Variants in ARHGAP15 observed in about 807,000 individuals in gnomAD.
ARHGAP15 encodes Rho GTPase activating protein 15.
ARHGAP15 carries 51 observed loss-of-function variants against 63.7 expected under a neutral mutation model. The ratio of observed to expected loss-of-function variants is 0.80; its 90% CI spans 0.64 to 1.01. The LOEUF (loss-of-function observed/expected upper bound fraction) is 1.01. ARHGAP15 is among the 50% of genes least tolerant of loss of function. The pLI is 0.00. For missense variants in ARHGAP15, 560 were observed against 564.6 expected (o/e 0.99, Z 0.08); for synonymous variants, 191 against 193.8 (o/e 0.99, Z 0.12).
intron 12 of ARHGAP15, among the ~76,000 whole-genome samples, chr2:143,660,722 C>T (rs1481845537): frequency 6.6e-6 from 1 of 152,122 alleles, no homozygotes; most frequent in Non-Finnish European, 1.5e-5. Context: ...TTGGGCTTAC[C>T]ATACGTTTCC....
intron 9 of ARHGAP15, among the ~76,000 whole-genome samples, chr2:143,509,383 T>G (rs1024201465): frequency 6.6e-6 from 1 of 151,374 alleles, no homozygotes; most frequent in African/African-American, 2.4e-5. Context: ...TTACTTCCAG[T>G]GCATGTCGTA....
chr2:143,153,846 C>T (rs4662196), intron 1 of ARHGAP15, among the ~76,000 whole-genome samples: 801 of 57,012 alleles, frequency 0.014, 18 homozygotes, highest in South Asian at 0.054. Flanking sequence ...CTTCTTCTTC[C>T]TCCTCCTCCT....
rs537087597 is a variant in ARHGAP15 at position 143,269,857 on chromosome 2, C to T, written c.474+19257C>T. ...CTATTAATTGATAAGTGTACACATC[C>T]CATTACATGCAAGTATCAGTACCTT... On this transcript the variant is annotated intron_variant, in intron 6 of 13. Coordinates refer to ENST00000295095, the MANE Select transcript of ARHGAP15 (RefSeq NM_018460.4). Among the ~76,000 whole-genome samples the T allele has an allele frequency of 2.0e-5, 3 of 152,138 alleles. No homozygotes were observed. In the East Asian group the frequency reaches 5.8e-4, roughly 29 times the overall value.
At chr2:143,591,250 A>G (rs757420573) in intron 11 of ARHGAP15, among the ~76,000 whole-genome samples, 3 of 152,164 alleles carry the variant, frequency 2.0e-5, no homozygotes, top group Non-Finnish European at 4.4e-5. Flanking sequence ...CCACTTCCCC[A>G]ATCGATGTGA....
chr2:143,623,028 C>T (rs1394497595), intron 11 of ARHGAP15, among the ~76,000 whole-genome samples: 1 of 152,204 alleles, frequency 6.6e-6, no homozygotes, highest in African/African-American at 2.4e-5. Flanking sequence ...TACCTCGGCG[C>T]TTGCCAGTAT....
chr2:143,758,237 C>G (rs552413241), intron 13 of ARHGAP15, among the ~76,000 whole-genome samples: 2 of 151,148 alleles, frequency 1.3e-5, no homozygotes, highest in South Asian at 4.2e-4. Flanking sequence ...TTTATTTCAT[C>G]TTTTCTAAAA....
intron 9 of ARHGAP15, among the ~76,000 whole-genome samples, chr2:143,503,233 A>G (rs1406462390): frequency 4.6e-5 from 7 of 152,254 alleles, no homozygotes; most frequent in African/African-American, 1.2e-4. Context: ...GAGTATGTAA[A>G]GCACACTTGA....
chr2:143,641,175 G>A (rs1680580330), intron 12 of ARHGAP15: 1 of 152,092 alleles, frequency 6.6e-6, no homozygotes, highest in Non-Finnish European at 1.5e-5. Flanking sequence ...ACCAGATTGG[G>A]GATTTCCCAA....
chr2:143,512,614 C>T (rs1296082446), intron 9 of ARHGAP15, among the ~76,000 whole-genome samples: 2 of 152,214 alleles, frequency 1.3e-5, no homozygotes, highest in Non-Finnish European at 2.9e-5. Flanking sequence ...AACGTTTGTC[C>T]AATGCTACAT....
At chr2:143,613,168 ATCT>A (rs1698323357) in intron 11 of ARHGAP15, among the ~76,000 whole-genome samples, 1 of 151,890 alleles carries the variant, frequency 6.6e-6, no homozygotes, top group East Asian at 1.9e-4. Context: ...GTAAGTAAAA[ATCT>A]TCTAAACAAT....
intron 11 of ARHGAP15, among the ~76,000 whole-genome samples, chr2:143,591,473 G>A (rs139793776): frequency 6.6e-6 from 1 of 152,022 alleles, no homozygotes; most frequent in South Asian, 2.1e-4. Context: ...TCAGGGCTCT[G>A]CTTCCTCAAC....
intron 13 of ARHGAP15, among the ~76,000 whole-genome samples, chr2:143,745,945 G>A (rs987201215): frequency 5.9e-5 from 9 of 152,142 alleles, no homozygotes; most frequent in African/African-American, 2.2e-4. Context: ...TGTTCAAGTT[G>A]ATCTTTCGTT....
At chr2:143,310,290 T>TA (rs1683381591) in intron 6 of ARHGAP15, among the ~76,000 whole-genome samples, 4 of 152,078 alleles carry the variant, frequency 2.6e-5, no homozygotes, top group Admixed American at 2.6e-4. Context: ...AGCTGACATT[T>TA]TTGCAAGAAA....
intron 4 of ARHGAP15, among the ~76,000 whole-genome samples, chr2:143,217,855 G>A (rs1490802779): frequency 1.3e-5 from 2 of 152,164 alleles, no homozygotes; most frequent in African/African-American, 4.8e-5. Flanking sequence ...AGCTGAGTAG[G>A]AGAATAGAGG....
At position 143,148,989 on chromosome 2, in the gene ARHGAP15, A is replaced by T. The variant is rs577505112; in HGVS notation, c.-14-6488A>T. ...GACCTGTCAGGAAAGTGTGACGCGA[A>T]GGTTGTGGCACACATTACTGGAGCT... On this transcript the variant is annotated intron_variant, in intron 1 of 13. Coordinates refer to ENST00000295095, the MANE Select transcript of ARHGAP15 (RefSeq NM_018460.4). Among the ~76,000 whole-genome samples, 15 of 152,182 alleles carry T rather than the reference A, an allele frequency of 9.9e-5. No homozygotes were observed. The South Asian group carries it at 2.9e-3, about 29-fold the overall frequency.
intron 13 of ARHGAP15, among the ~76,000 whole-genome samples, chr2:143,737,659 A>G (rs1685794837): frequency 6.6e-6 from 1 of 152,244 alleles, no homozygotes; most frequent in African/African-American, 2.4e-5. Flanking sequence ...GGCCAAATGC[A>G]TGAACATAAG....
intron 13 of ARHGAP15, among the ~76,000 whole-genome samples, chr2:143,751,498 T>TC (rs1207816521): frequency 1.3e-5 from 2 of 151,956 alleles, no homozygotes; most frequent in Admixed American, 6.6e-5. Context: ...GAGAAGCAGC[T>TC]CCCCCAGGAC....
intron 12 of ARHGAP15, among the ~76,000 whole-genome samples, chr2:143,681,819 A>G (rs533603694): frequency 1.2e-4 from 18 of 152,310 alleles, no homozygotes; most frequent in Middle Eastern, 3.4e-3. Flanking sequence ...AATTTGAGAT[A>G]AAGAATGCAT....
At chr2:143,168,787 A>G (rs1558789885) in intron 2 of ARHGAP15, among the ~76,000 whole-genome samples, 2 of 152,166 alleles carry the variant, frequency 1.3e-5, no homozygotes, top group East Asian at 1.9e-4. Flanking sequence ...TCTAATTATC[A>G]TCATTTACTT....
Sources: gnomAD v4.1 joint callset for allele counts (sites outside exome capture counted in the v4.1 genomes callset) on GRCh38, gnomAD v4.1.1 for gene constraint, MANE v1.5 for transcripts, NCBI Gene and HGNC (gene_info 2026-07-23, HGNC 2026-07-21) for gene names.